TMCO4: variants seen among roughly 807,000 people sequenced by gnomAD.
TMCO4 encodes the protein transmembrane and coiled-coil domain-containing protein 4.
In TMCO4, 58 loss-of-function variants were observed where a neutral mutation model predicts 64.7. The observed-to-expected ratio is 0.90, with a 90% confidence interval of 0.73 to 1.12. The LOEUF is 1.12. Ranked by LOEUF, TMCO4 falls within the 50% of genes most tolerant of loss-of-function variation. The probability of loss-of-function intolerance (pLI) is 0.00; values close to 1 mark genes in which losing one functional copy is unlikely to be tolerated. For missense variants in TMCO4, 780 were observed against 825.9 expected (o/e 0.94, Z 0.68); for synonymous variants, 325 against 346.1 (o/e 0.94, Z 0.68).
At chr1:19,753,687 G>T (rs1230896762) in intron 7 of TMCO4, among the ~76,000 whole-genome samples, 1 of 152,098 alleles carries the variant, frequency 6.6e-6, no homozygotes, top group African/African-American at 2.4e-5. Context: ...GGAAAGACAC[G>T]TGCCCAAGGC....
chr1:19,755,536 T>C, intron 7 of TMCO4, 98 bp downstream of exon 7: 1 of 1,535,670 alleles, frequency 6.5e-7, no homozygotes, highest in Non-Finnish European at 8.8e-7. Flanking sequence ...TCCACCTCAC[T>C]ACACCATCTC....
chr1:19,682,791 C>A lies in TMCO4; in HGVS notation c.*249G>T. On this transcript the variant is annotated 3_prime_UTR_variant, in exon 16 of 16. Coordinates refer to ENST00000294543, the MANE Select transcript of TMCO4 (RefSeq NM_181719.7). ...CCTGTGCTTGGTTGACTCTGCAGGT[C>A]TCTGATGAGGGGGCAGCTGCTCCCT... The A allele has an allele frequency of 1.4e-6, 1 of 718,494 alleles. No homozygotes were observed. Among genetic ancestry groups the A allele is most frequent in the South Asian group, 1.5e-5 (1 of 67,398 alleles). The allele number at this position is 718,494 out of a possible 1,614,324, so 44.5% of individuals were successfully genotyped here.
chr1:19,757,362 C>G (rs1251121438), intron 6 of TMCO4, among the ~76,000 whole-genome samples: 2 of 152,150 alleles, frequency 1.3e-5, no homozygotes, highest in African/African-American at 4.8e-5. Context: ...GTCACTCCAG[C>G]CTCTGCTCCC....
chr1:19,701,669 G>C (rs985047439), intron 13 of TMCO4, among the ~76,000 whole-genome samples: 1 of 152,162 alleles, frequency 6.6e-6, no homozygotes, highest in Non-Finnish European at 1.5e-5. Context: ...TGCCAGGTGG[G>C]AGACACCAAT....
intron 6 of TMCO4, among the ~76,000 whole-genome samples, chr1:19,768,753 G>C (rs889793877): frequency 6.6e-6 from 1 of 152,096 alleles, no homozygotes; most frequent in Non-Finnish European, 1.5e-5. Context: ...TTAGAGCAGC[G>C]CTCCTCTAAG....
intron 1 of TMCO4, among the ~76,000 whole-genome samples, chr1:19,799,621 C>T (rs1427673912): frequency 6.6e-6 from 1 of 152,226 alleles, no homozygotes; most frequent in African/African-American, 2.4e-5. Context: ...AAAGCACTTC[C>T]GGCTCTGAAA....
chr1:19,733,747 C>G (rs773794855), intron 13 of TMCO4, among the ~76,000 whole-genome samples: 2 of 152,112 alleles, frequency 1.3e-5, no homozygotes, highest in Non-Finnish European at 2.9e-5. Context: ...AACAGGGAGA[C>G]AGGCCAGCGC....
rs765442873 is a variant in TMCO4 at position 19,747,193 on chromosome 1, G to A, written c.583C>T (p.Leu195=). Residue 195 remains leucine (L), a synonymous_variant, in exon 8 of 16, where the codon CTG becomes TTG. Transcript: ENST00000294543. ...RKWKRYLLIG[L]ATVGGGTVIG... is the part of the protein sequence containing the mutation. ...ACCGTTCCGCCTCCGACAGTCGCCA[G>A]GCCTATCAGGAGATAACGCTTCCAT... 5.6e-6 allele frequency: 9 copies of A among 1,614,072 alleles called. No individual in the cohort carries two copies. Among genetic ancestry groups the A allele is most frequent in the Admixed American group, 1.7e-5 (1 of 60,016 alleles).
At chr1:19,781,132 G>A (rs999521815) in intron 3 of TMCO4, among the ~76,000 whole-genome samples, 18 of 140,926 alleles carry the variant, frequency 1.3e-4, no homozygotes, top group Non-Finnish European at 2.6e-4. Context: ...CTGACAGAGC[G>A]AGACTCCATC....
At chr1:19,704,152 T>C (rs2095290044) in intron 13 of TMCO4, among the ~76,000 whole-genome samples, 1 of 152,268 alleles carries the variant, frequency 6.6e-6, no homozygotes, top group South Asian at 2.1e-4. Context: ...CCTCTGGCTC[T>C]GAGGTTAAAA....
chr1:19,778,056 C>T (rs988916058), intron 4 of TMCO4, among the ~76,000 whole-genome samples: 1 of 151,974 alleles, frequency 6.6e-6, no homozygotes, highest in African/African-American at 2.4e-5. Context: ...AATTAAACAA[C>T]CAAAAAACCA....
At chr1:19,725,437 T>C (rs1462082034) in intron 13 of TMCO4, among the ~76,000 whole-genome samples, 3 of 152,224 alleles carry the variant, frequency 2.0e-5, no homozygotes, top group Non-Finnish European at 4.4e-5. Flanking sequence ...CAGTTGGAAT[T>C]GAGTTTGCTT....
chr1:19,739,681 G>A (rs1368143667), intron 12 of TMCO4, 143 bp downstream of exon 12: 2 of 1,120,332 alleles, frequency 1.8e-6, no homozygotes, highest in African/African-American at 3.1e-5. Context: ...TTGAACTGGA[G>A]AGGCAGCAAG....
At chr1:19,773,000 G>A (rs904989069) in intron 4 of TMCO4, among the ~76,000 whole-genome samples, 1 of 152,108 alleles carries the variant, frequency 6.6e-6, no homozygotes, top group Non-Finnish European at 1.5e-5. Flanking sequence ...GACCAGCCTG[G>A]CCAACATGGT....
rs552876793 is a variant in TMCO4, at chr1:19,788,507, T to A, written c.-100-1390A>T. Among the ~76,000 whole-genome samples the A allele has an allele frequency of 6.9e-3, 1,047 of 152,312 alleles. 7 individuals carry two copies. Among genetic ancestry groups the A allele is most frequent in the Non-Finnish European group, 0.011 (715 of 68,026 alleles). On this transcript the variant is annotated intron_variant, in intron 2 of 15. Coordinates refer to ENST00000294543, the MANE Select transcript of TMCO4 (RefSeq NM_181719.7). Reference sequence around the variant, plus strand: ...ATTCTGGATGATTTTAATTTTTTTATATATCTGTGTTTTATGAATTATTAA... The same window carrying A: ...ATTCTGGATGATTTTAATTTTTTTAAATATCTGTGTTTTATGAATTATTAA...
chr1:19,688,626 T>C (rs1233104240), intron 15 of TMCO4, among the ~76,000 whole-genome samples: 1 of 152,180 alleles, frequency 6.6e-6, no homozygotes, highest in African/African-American at 2.4e-5. Flanking sequence ...GATGTGTGAA[T>C]GCAGGCAGTA....
In TMCO4 at chr1:19,734,442, C is replaced by A. The variant is rs540027954; in HGVS notation, c.1264+2930G>T. ...AACTGTAGGGTGCCCAGCACCAGTG[C>A]CCCCGGGTCCTCCTTGGCAGGATCC... On this transcript the variant is annotated intron_variant, in intron 13 of 15. Transcript: ENST00000294543. This position sits in a 1 kb window ranked among gnomAD's most constrained non-coding sequence, Gnocchi z 4.4. Among the ~76,000 whole-genome samples the A allele has an allele frequency of 6.6e-6, 1 of 152,190 alleles. No individual in the cohort carries two copies.
Position 19,745,628 on chromosome 1 carries a change from C to CTT in TMCO4, c.780_781insAA (p.Gly261LysfsTer12). 3 of 1,612,668 alleles carry CTT rather than the reference C, an allele frequency of 1.9e-6. No individual in the cohort carries two copies. Among genetic ancestry groups the CTT allele is most frequent in the Non-Finnish European group, 2.5e-6 (3 of 1,179,018 alleles). On this transcript the variant is annotated frameshift_variant, in exon 10 of 16. Coordinates refer to ENST00000294543, the MANE Select transcript of TMCO4 (RefSeq NM_181719.7). LOFTEE classifies it high-confidence loss of function. ...AGAAACGTGAACTCTTCAATGGCTC[C>CTT]CACTCGCTTCTTCATCTTGTATCCT...
chr1:19,731,537 C>G (rs2095429942), intron 13 of TMCO4, among the ~76,000 whole-genome samples: 1 of 152,230 alleles, frequency 6.6e-6, no homozygotes, highest in Non-Finnish European at 1.5e-5. Flanking sequence ...AGAGCTCACA[C>G]ACTTGTAGCA....
Sources: allele counts gnomAD v4.1 joint callset (sites outside exome capture counted in the v4.1 genomes callset), GRCh38; gene constraint gnomAD v4.1.1; non-coding constraint Gnocchi (gnomAD v3.1); transcripts MANE v1.5; gene names NCBI Gene and HGNC (gene_info 2026-07-23, HGNC 2026-07-21).